SNRPN: variants seen among roughly 807,000 people sequenced by gnomAD.
SNRPN encodes the protein small nuclear ribonucleoprotein polypeptide N.
SNRPN carries 7 observed loss-of-function variants against 25.2 expected under a neutral mutation model. The ratio of observed to expected loss-of-function variants is 0.28; its 90% CI spans 0.16 to 0.52. The LOEUF is 0.52. Ranked by LOEUF, SNRPN falls within the 20% of genes least tolerant of loss-of-function variation. The probability of loss-of-function intolerance (pLI) is 0.96; values close to 1 mark genes in which losing one functional copy is unlikely to be tolerated. For missense variants in SNRPN, 196 were observed against 322.5 expected (o/e 0.61, Z 3.00); for synonymous variants, 124 against 110.6 (o/e 1.12, Z -0.76).
In SNRPN at chr15:24,968,053, G is replaced by C; in HGVS notation, c.-173G>C. ...AGGTGGTTAAAGCCATATTGGAGTAGCGAGGAATCTGATTCCAAGCAAAAA... is the reference window on the plus strand; with the variant it reads ...AGGTGGTTAAAGCCATATTGGAGTACCGAGGAATCTGATTCCAAGCAAAAA... On this transcript the variant is annotated 5_prime_UTR_variant, in exon 3 of 10. Transcript: ENST00000390687. 1 of 1,610,402 alleles carries C rather than the reference G, an allele frequency of 6.2e-7. No individual in the cohort carries two copies. The highest frequency in any genetic ancestry group is 8.5e-7 in the Non-Finnish European group (1 of 1,176,692).
At chr15:24,874,983 TC>T (rs1454921808) in intron 1 of SNRPN, among the ~76,000 whole-genome samples, 1 of 152,132 alleles carries the variant, frequency 6.6e-6, no homozygotes, top group African/African-American at 2.4e-5. Flanking sequence ...AAAGTTTTTT[TC>T]AGTAATAATA....
intron 2 of SNRPN, among the ~76,000 whole-genome samples, chr15:24,835,087 A>T (rs1341681396): frequency 3.9e-5 from 2 of 51,296 alleles, no homozygotes; most frequent in Admixed American, 3.1e-4. Context: ...ATCTATATAT[A>T]AAATATATAG....
intron 3 of SNRPN, among the ~76,000 whole-genome samples, chr15:24,973,233 G>A (rs774099701): frequency 6.6e-6 from 1 of 151,996 alleles, no homozygotes; most frequent in Admixed American, 6.6e-5. Context: ...TAGTATGCAG[G>A]ATAGTAACAT....
intron 2 of SNRPN, among the ~76,000 whole-genome samples, chr15:24,831,414 A>G (rs1475258654): frequency 6.6e-6 from 1 of 152,036 alleles, no homozygotes; most frequent in African/African-American, 2.4e-5. Context: ...TTGAAGAATA[A>G]TATATATTGT....
chr15:24,848,233 G>A (rs1323632528), intron 2 of SNRPN: 3 of 134,100 alleles, frequency 2.2e-5, no homozygotes, highest in Middle Eastern at 3.9e-3. Context: ...GGCGGCGGTG[G>A]GGGCGGGGGC....
rs78145900 is a variant in SNRPN at position 24,929,734 on chromosome 15, T to C, written c.-391+9610T>C. ...CATATTTTATTTTCCTGTTGAATGG[T>C]AGACAGCATGAGAGCAGGGTCCATG... On this transcript the variant is annotated intron_variant, in intron 3 of 11. Coordinates refer to the SNRPN transcript ENST00000400097. The surrounding 1 kb of genome is among the most constrained non-coding windows in gnomAD (Gnocchi z 5.3). 0.031 allele frequency among the ~76,000 whole-genome samples: 4,700 copies of C among 152,246 alleles called. 204 individuals are homozygous for C. Among genetic ancestry groups the C allele is most frequent in the African/African-American group, 0.097 (4,045 of 41,526 alleles).
At chr15:24,877,699 C>A (rs867996494) in intron 1 of SNRPN, among the ~76,000 whole-genome samples, 3 of 131,810 alleles carry the variant, frequency 2.3e-5, no homozygotes, top group East Asian at 2.1e-4. Context: ...CACACACAAA[C>A]ACACTAGCCG....
At chr15:24,933,172 T>C (rs1566927998) in intron 3 of SNRPN, among the ~76,000 whole-genome samples, 1 of 152,178 alleles carries the variant, frequency 6.6e-6, no homozygotes, top group South Asian at 2.1e-4. Context: ...AGTGTGAGGA[T>C]CACTTGAGCC....
chr15:24,828,492 A>G (rs1468509361), intron 1 of SNRPN, among the ~76,000 whole-genome samples: 1 of 152,128 alleles, frequency 6.6e-6, no homozygotes, highest in East Asian at 1.9e-4. Context: ...GCTTGCTGTG[A>G]GCTGAGATCG....
At chr15:24,831,772 A>C (rs1162924187) in intron 2 of SNRPN, among the ~76,000 whole-genome samples, 1 of 152,104 alleles carries the variant, frequency 6.6e-6, no homozygotes, top group Non-Finnish European at 1.5e-5. Context: ...ATTGTCATGC[A>C]GATACATTCA....
At chr15:24,927,520 C>CTTTTTTTTTTTTTTTT (rs2060497188) in intron 3 of SNRPN, among the ~76,000 whole-genome samples, 34 of 73,752 alleles carry the variant, frequency 4.6e-4, no homozygotes, top group East Asian at 1.8e-3. Flanking sequence ...TTTTTTTTTA[C>CTTTTTTTTTTTTTTTT]TTTTGACCAC....
intron 2 of SNRPN, among the ~76,000 whole-genome samples, chr15:24,896,758 G>C (rs1207936251): frequency 6.6e-6 from 1 of 152,052 alleles, no homozygotes; most frequent in Non-Finnish European, 1.5e-5. Flanking sequence ...AGGGAAAATA[G>C]AAAAGACTCT....
chr15:24,901,601 G>T (rs943307894), intron 2 of SNRPN, among the ~76,000 whole-genome samples: 1 of 152,154 alleles, frequency 6.6e-6, no homozygotes, highest in African/African-American at 2.4e-5. Flanking sequence ...GCCACTCTGT[G>T]CATGACCACA....
chr15:24,977,835 A>G lies in SNRPN; in HGVS notation c.478A>G (p.Ser160Gly), dbSNP rs748700221. The G allele has an allele frequency of 3.1e-6, 5 of 1,613,588 alleles. No homozygotes were observed. Among genetic ancestry groups the G allele is most frequent in the Non-Finnish European group, 4.2e-6 (5 of 1,179,664 alleles). The part of the protein sequence containing the change: ...VAAAAVAATA[S>G]IAGAPTQYPP... ...AGCTGCTGCTGTTGCTGCGACTGCC[A>G]GTATTGCTGGAGCCCCAACACAGTA... The change falls in exon 8 of 10, where the codon AGT (serine) becomes GGT (glycine). Residue 160 changes from serine (S) to glycine (G), a missense_variant. Physicochemically the swap from Ser to Gly is moderately conservative, Grantham distance 56 (BLOSUM62 0). Transcript: ENST00000390687.
chr15:24,874,309 CAAAA>C (rs199834006), intron 1 of SNRPN, among the ~76,000 whole-genome samples: 2 of 61,446 alleles, frequency 3.3e-5, no homozygotes, highest in African/African-American at 8.2e-5. Flanking sequence ...GACTCTGTCT[CAAAA>C]AAAAAAAAAA....
At chr15:24,832,419 G>A (rs2050612888) in intron 2 of SNRPN, among the ~76,000 whole-genome samples, 1 of 152,012 alleles carries the variant, frequency 6.6e-6, no homozygotes, top group Non-Finnish European at 1.5e-5. Context: ...GGGGACTTGG[G>A]GAAATCTCCT....
chr15:24,946,170 G>C (rs1357418870), intron 3 of SNRPN, among the ~76,000 whole-genome samples: 1 of 152,194 alleles, frequency 6.6e-6, no homozygotes, highest in Non-Finnish European at 1.5e-5. Flanking sequence ...TTGAATCTGG[G>C]CTCAAATGCT....
At chr15:24,902,811 G>A (rs1457325160) in intron 2 of SNRPN, among the ~76,000 whole-genome samples, 2 of 152,222 alleles carry the variant, frequency 1.3e-5, no homozygotes, top group Non-Finnish European at 2.9e-5. Flanking sequence ...AGCTCGTAAA[G>A]GTAGTGTGGA....
At chr15:24,913,237 G>A (rs961629899) in intron 2 of SNRPN, among the ~76,000 whole-genome samples, 2 of 152,142 alleles carry the variant, frequency 1.3e-5, no homozygotes, top group Admixed American at 1.3e-4. Context: ...ACTGTGCGTG[G>A]CCAATATCAG....
Sources: allele counts gnomAD v4.1 joint callset (sites outside exome capture counted in the v4.1 genomes callset), GRCh38; gene constraint gnomAD v4.1.1; non-coding constraint Gnocchi (gnomAD v3.1); transcripts MANE v1.5; gene names NCBI Gene and HGNC (gene_info 2026-07-23, HGNC 2026-07-21).